DMD: variants seen among roughly 807,000 people sequenced by gnomAD.
The protein encoded by DMD is mutant dystrophin.
DMD carries 63 observed loss-of-function variants against 330.1 expected under a neutral mutation model. The ratio of observed to expected loss-of-function variants is 0.19; its 90% confidence interval spans 0.16 to 0.24. The LOEUF (loss-of-function observed/expected upper bound fraction) is 0.24. DMD is among the 10% of genes least tolerant of loss of function. DMD has a pLI of 1.00. For synonymous variants in DMD, 1,223 were observed against 959.8 expected (o/e 1.27, Z -5.07); for missense variants, 3,344 against 2,684.1 (o/e 1.25, Z -5.43).
intron 60 of DMD, among the ~76,000 whole-genome samples, chrX:31,363,372 C>CTTTTT (rs752548187): frequency 9.6e-5 from 5 of 51,877 alleles, no homozygotes; most frequent in African/African-American, 3.2e-4. Flanking sequence ...AGACATGTAT[C>CTTTTT]TTTTTTTTTT....
intron 44 of DMD, among the ~76,000 whole-genome samples, chrX:32,213,714 T>C (rs1007484624): frequency 1.8e-5 from 2 of 111,738 alleles, no homozygotes; most frequent in African/African-American, 6.5e-5. Flanking sequence ...GTGGCTCACG[T>C]CTGCAATCCC....
intron 7 of DMD, among the ~76,000 whole-genome samples, chrX:32,706,231 T>TGGG (rs2064627153): frequency 4.5e-5 from 1 of 22,387 alleles, no homozygotes; most frequent in Non-Finnish European, 7.6e-5. Context: ...TGTTGTGGGG[T>TGGG]GGGGGGAGTG....
intron 2 of DMD, among the ~76,000 whole-genome samples, chrX:32,866,685 C>T (rs1213875077): frequency 2.2e-5 from 2 of 89,655 alleles, no homozygotes; most frequent in Non-Finnish European, 4.1e-5. Context: ...TTTTTAAATA[C>T]AGTGTCAACC....
chrX:33,266,229 A>G (rs2053038687), intron 1 of DMD, among the ~76,000 whole-genome samples: 1 of 111,790 alleles, frequency 8.9e-6, no homozygotes, highest in Non-Finnish European at 1.9e-5. Flanking sequence ...CTTCTACCCT[A>G]AAGATAGCTG....
intron 20 of DMD, among the ~76,000 whole-genome samples, chrX:32,485,602 T>C (rs1545078): frequency 0.063 from 6,903 of 108,844 alleles, 287 homozygotes; most frequent in African/African-American, 0.14. Flanking sequence ...TTATATAGAT[T>C]ATATACACAC....
At chrX:32,595,557 C>T (rs764550310) in intron 13 of DMD, among the ~76,000 whole-genome samples, 200 bp downstream of exon 13, 7 of 111,553 alleles carry the variant, frequency 6.3e-5, no homozygotes, top group Non-Finnish European at 1.1e-4. Context: ...TTTACCCATC[C>T]GCAGTTAGTT....
chrX:33,281,210 A>ATTTTTTTTTTTTTTTTTTTTTT (rs139177044), intron 1 of DMD, among the ~76,000 whole-genome samples: 1 of 92,086 alleles, frequency 1.1e-5, no homozygotes, highest in Non-Finnish European at 2.1e-5. Flanking sequence ...ATGCTATTGC[A>ATTTTTTTTTTTTTTTTTTTTTT]TTTTTTTTTT....
intron 44 of DMD, among the ~76,000 whole-genome samples, chrX:32,112,508 A>G (rs935143422): frequency 8.9e-6 from 1 of 111,771 alleles, no homozygotes; most frequent in Non-Finnish European, 1.9e-5. Context: ...GGTGACCACA[A>G]CATGGCACTT....
chrX:32,610,946 C>G (rs2057121678), intron 12 of DMD, among the ~76,000 whole-genome samples: 1 of 111,019 alleles, frequency 9.0e-6, no homozygotes, highest in African/African-American at 3.3e-5. Flanking sequence ...CTCAGTTACC[C>G]AAAGAAGTAA....
At chrX:32,094,822 G>C (rs372070260) in intron 44 of DMD, among the ~76,000 whole-genome samples, 26 of 111,657 alleles carry the variant, frequency 2.3e-4, no homozygotes, top group African/African-American at 7.5e-4. Flanking sequence ...TTCACAAAAC[G>C]ATGCTTAGTG....
chrX:31,294,000 C>A (rs1475849261), intron 62 of DMD, among the ~76,000 whole-genome samples: 1 of 110,914 alleles, frequency 9.0e-6, no homozygotes, highest in African/African-American at 3.3e-5. Flanking sequence ...GCTGCCATCT[C>A]TACGAAAAGA....
At chrX:32,410,452 C>A (rs914449809) in intron 30 of DMD, among the ~76,000 whole-genome samples, 1 of 112,091 alleles carries the variant, frequency 8.9e-6, no homozygotes, top group African/African-American at 3.2e-5. Context: ...ATTGTGTATA[C>A]TGTTGCCCAG....
At chrX:32,836,029 CA>C (rs201726364) in intron 4 of DMD, among the ~76,000 whole-genome samples, 1,446 of 106,400 alleles carry the variant, frequency 0.014, 24 homozygotes, top group East Asian at 0.082. Context: ...CACTGGTATT[CA>C]AAAAAAAATT....
At chrX:31,487,895 G>GT (rs200085252) in intron 57 of DMD, among the ~76,000 whole-genome samples, 59 of 109,279 alleles carry the variant, frequency 5.4e-4, no homozygotes, top group South Asian at 1.2e-3. Context: ...CTGAAATTAT[G>GT]TTTTTTTTTT....
At chrX:31,179,784 T>C (rs1404868361) in intron 69 of DMD, among the ~76,000 whole-genome samples, 1 of 111,912 alleles carries the variant, frequency 8.9e-6, no homozygotes, top group African/African-American at 3.2e-5. Context: ...CTCTTACTTA[T>C]AGAACCTTGA....
At chrX:31,293,130 T>TTC (rs1482637672) in intron 62 of DMD, among the ~76,000 whole-genome samples, 1 of 89,940 alleles carries the variant, frequency 1.1e-5, no homozygotes, top group Non-Finnish European at 2.2e-5. Flanking sequence ...AATATTCGCT[T>TTC]TCTCTCTCTC....
chrX:32,133,131 C>CCAGAG (rs1392422528), intron 44 of DMD, among the ~76,000 whole-genome samples: 1 of 108,250 alleles, frequency 9.2e-6, no homozygotes, highest in African/African-American at 3.4e-5. Context: ...GCCTCAGCCT[C>CCAGAG]CAGAGCAGCT....
chrX:31,212,880 A>G (rs751254574), intron 64 of DMD, among the ~76,000 whole-genome samples: 19 of 112,258 alleles, frequency 1.7e-4, no homozygotes, highest in Non-Finnish European at 3.2e-4. Flanking sequence ...GTAGGATAAA[A>G]CAGAAGCACC....
chrX:31,177,813 T>G (rs962552605), intron 71 of DMD, 119 bp downstream of exon 71: 1 of 654,804 alleles, frequency 1.5e-6, no homozygotes, highest in Admixed American at 3.3e-5. Flanking sequence ...GAAGGGGAAT[T>G]AATATGTCCA....
Sources: allele counts gnomAD v4.1 joint callset (sites outside exome capture counted in the v4.1 genomes callset), GRCh38; gene constraint gnomAD v4.1.1; transcripts MANE v1.5; gene names NCBI Gene and HGNC (gene_info 2026-07-23, HGNC 2026-07-21).